Variants in STXBP5L observed in about 807,000 individuals in gnomAD.
The protein encoded by STXBP5L is syntaxin binding protein 5L, also known as syntaxin-binding protein 5-like.
In STXBP5L, 65 loss-of-function variants were observed where a neutral mutation model predicts 144.5. The observed-to-expected ratio is 0.45, with a 90% CI of 0.37 to 0.55. The LOEUF (loss-of-function observed/expected upper bound fraction) is 0.55. STXBP5L is among the 20% of genes least tolerant of loss of function. The pLI, the probability that STXBP5L is intolerant of heterozygous loss-of-function variation, is 0.00. For missense variants in STXBP5L, 1,298 were observed against 1,405.5 expected (o/e 0.92, Z 1.22); for synonymous variants, 505 against 469.6 (o/e 1.08, Z -0.97).
At chr3:120,982,973 G>C (rs1401631899) in intron 3 of STXBP5L, among the ~76,000 whole-genome samples, 7 of 152,226 alleles carry the variant, frequency 4.6e-5, no homozygotes, top group African/African-American at 1.7e-4. Context: ...AGAATGCTCA[G>C]GCAGGGTGGC....
intron 3 of STXBP5L, among the ~76,000 whole-genome samples, chr3:121,020,419 G>A (rs2108207910): frequency 6.6e-6 from 1 of 152,172 alleles, no homozygotes; most frequent in Middle Eastern, 3.4e-3. Context: ...AGAACACCTG[G>A]GAAATTTATT....
intron 6 of STXBP5L, among the ~76,000 whole-genome samples, chr3:121,118,549 A>T (rs1178611421): frequency 6.6e-6 from 1 of 151,656 alleles, no homozygotes; most frequent in Non-Finnish European, 1.5e-5. Flanking sequence ...TTGTAAGCCA[A>T]TTTGATAAGT....
At chr3:120,970,877 C>T (rs1940171754) in intron 3 of STXBP5L, among the ~76,000 whole-genome samples, 1 of 152,096 alleles carries the variant, frequency 6.6e-6, no homozygotes, top group Admixed American at 6.6e-5. Context: ...ATTGCTCTTC[C>T]ATTGTTGTCT....
chr3:121,020,034 G>A (rs2108205390), intron 3 of STXBP5L, among the ~76,000 whole-genome samples: 1 of 152,200 alleles, frequency 6.6e-6, no homozygotes, highest in South Asian at 2.1e-4. Context: ...AATGATGCAG[G>A]ATACAAATGG....
At chr3:121,181,331 A>AGAGAG (rs569281932) in intron 9 of STXBP5L, among the ~76,000 whole-genome samples, 114 of 151,168 alleles carry the variant, frequency 7.5e-4, no homozygotes, top group African/African-American at 2.3e-3. Flanking sequence ...AGAAAAGTAA[A>AGAGAG]GAGAGGAGAG....
At chr3:121,334,431 G>T (rs527319415) in intron 20 of STXBP5L, among the ~76,000 whole-genome samples, 11 of 147,758 alleles carry the variant, frequency 7.4e-5, no homozygotes, top group African/African-American at 2.5e-4. Context: ...AACCTGGCAG[G>T]GACACAACAA....
At chr3:121,002,358 G>A (rs537254232) in intron 3 of STXBP5L, among the ~76,000 whole-genome samples, 1 of 152,166 alleles carries the variant, frequency 6.6e-6, no homozygotes, top group Non-Finnish European at 1.5e-5. Flanking sequence ...GTCTTCTTTG[G>A]AAAATATCTA....
chr3:121,014,487 G>T (rs1176046196), intron 3 of STXBP5L, among the ~76,000 whole-genome samples: 1 of 151,950 alleles, frequency 6.6e-6, no homozygotes, highest in African/African-American at 2.4e-5. Flanking sequence ...TTATTTATCA[G>T]TAGTTCATGA....
chr3:121,052,835 A>G (rs1298996571), intron 5 of STXBP5L, among the ~76,000 whole-genome samples: 1 of 152,210 alleles, frequency 6.6e-6, no homozygotes, highest in Non-Finnish European at 1.5e-5. Context: ...ATGATTGTGT[A>G]TCTAGAAAAC....
At chr3:120,913,788 G>A (rs1708973073) in intron 2 of STXBP5L, among the ~76,000 whole-genome samples, 1 of 151,920 alleles carries the variant, frequency 6.6e-6, no homozygotes. Flanking sequence ...TATAAAGCAA[G>A]GCTTTATTTT....
chr3:121,015,815 G>A (rs951298838), intron 3 of STXBP5L, among the ~76,000 whole-genome samples: 6 of 152,168 alleles, frequency 3.9e-5, no homozygotes, highest in African/African-American at 1.4e-4. Context: ...TGGCCTTCCT[G>A]TCTCATCAGA....
At chr3:120,969,628 C>G (rs1353804243) in intron 3 of STXBP5L, among the ~76,000 whole-genome samples, 1 of 151,764 alleles carries the variant, frequency 6.6e-6, no homozygotes, top group Non-Finnish European at 1.5e-5. Context: ...AAGTCAATGT[C>G]TTGAGGAGTT....
chr3:121,097,607 C>T (rs2043194660), intron 5 of STXBP5L, among the ~76,000 whole-genome samples: 1 of 152,128 alleles, frequency 6.6e-6, no homozygotes, highest in South Asian at 2.1e-4. Flanking sequence ...TGAGGCGATG[C>T]CCCACCCTGC....
At chr3:121,252,098 A>G (rs2050045060) in intron 15 of STXBP5L, among the ~76,000 whole-genome samples, 1 of 152,076 alleles carries the variant, frequency 6.6e-6, no homozygotes, top group South Asian at 2.1e-4. Flanking sequence ...AGTTGTTCAC[A>G]TCTGTAATCC....
chr3:121,330,261 A>G (rs924148348), intron 20 of STXBP5L, among the ~76,000 whole-genome samples: 6 of 152,154 alleles, frequency 3.9e-5, no homozygotes, highest in East Asian at 3.9e-4. Flanking sequence ...CTTGCCAAGT[A>G]TGTGGGAGCT....
At chr3:121,215,170 C>T (rs933022172) in intron 10 of STXBP5L, among the ~76,000 whole-genome samples, 5 of 151,960 alleles carry the variant, frequency 3.3e-5, no homozygotes, top group South Asian at 2.1e-4. Flanking sequence ...TGCCAGTCTG[C>T]GTCTTTTAAC....
At chr3:121,133,465 G>A (rs1246890645) in intron 7 of STXBP5L, among the ~76,000 whole-genome samples, 2 of 152,070 alleles carry the variant, frequency 1.3e-5, no homozygotes, top group African/African-American at 4.8e-5. Flanking sequence ...ACAGAAAGGA[G>A]TGGTGCAATA....
chr3:120,960,437 C>A (rs1430081513), intron 3 of STXBP5L, among the ~76,000 whole-genome samples: 2 of 152,184 alleles, frequency 1.3e-5, no homozygotes, highest in Non-Finnish European at 2.9e-5. Context: ...ATAAATCATG[C>A]TGGTATAAAA....
chr3:121,241,546 A>G (rs1375381977), intron 14 of STXBP5L, among the ~76,000 whole-genome samples: 1 of 152,058 alleles, frequency 6.6e-6, no homozygotes, highest in Admixed American at 6.6e-5. Context: ...GTGTCAGATA[A>G]AGCAGAGTAG....
Sources: gnomAD v4.1 joint callset for allele counts (sites outside exome capture counted in the v4.1 genomes callset) on GRCh38, gnomAD v4.1.1 for gene constraint, MANE v1.5 for transcripts, NCBI Gene and HGNC (gene_info 2026-07-23, HGNC 2026-07-21) for gene names.